PTPRT: variants seen among roughly 807,000 people sequenced by gnomAD.
PTPRT encodes receptor-type tyrosine-protein phosphatase T.
In PTPRT, 56 loss-of-function variants were observed where a neutral mutation model predicts 176.8. The observed-to-expected ratio is 0.32, with a 90% CI of 0.26 to 0.40. The LOEUF is 0.40. PTPRT is among the 10% of genes least tolerant of loss of function. The probability of loss-of-function intolerance (pLI) is 1.00; values close to 1 mark genes in which losing one functional copy is unlikely to be tolerated. For missense variants in PTPRT, 1,540 were observed against 1,908.2 expected (o/e 0.81, Z 3.60); for synonymous variants, 783 against 739.0 (o/e 1.06, Z -0.96).
At chr20:42,477,433 A>G (rs200914810) in intron 7 of PTPRT, among the ~76,000 whole-genome samples, 1 of 152,162 alleles carries the variant, frequency 6.6e-6, no homozygotes, top group African/African-American at 2.4e-5. Flanking sequence ...CTGAAATCCT[A>G]TTCAATGGAA....
chr20:42,918,044 C>G (rs1258921939), intron 1 of PTPRT, among the ~76,000 whole-genome samples: 1 of 152,084 alleles, frequency 6.6e-6, no homozygotes, highest in Non-Finnish European at 1.5e-5. Context: ...AGCTCAGGTG[C>G]CTAGGTCCTC....
chr20:42,148,563 T>C (rs1283593921), intron 17 of PTPRT, among the ~76,000 whole-genome samples: 1 of 151,058 alleles, frequency 6.6e-6, no homozygotes, highest in Non-Finnish European at 1.5e-5. Flanking sequence ...CTAGATAGGG[T>C]GGTGTGGGGA....
chr20:42,821,242 C>A (rs577962380), intron 2 of PTPRT, among the ~76,000 whole-genome samples: 1 of 152,278 alleles, frequency 6.6e-6, no homozygotes, highest in South Asian at 2.1e-4. Flanking sequence ...CCCTGAGATG[C>A]AAGGCTGGTT....
At chr20:42,815,170 A>G (rs1326263866) in intron 2 of PTPRT, among the ~76,000 whole-genome samples, 1 of 152,200 alleles carries the variant, frequency 6.6e-6, no homozygotes, top group Non-Finnish European at 1.5e-5. Flanking sequence ...TCCTGAATTC[A>G]TTTAGATCTT....
intron 1 of PTPRT, among the ~76,000 whole-genome samples, chr20:42,898,167 A>G (rs2079336725): frequency 6.6e-6 from 1 of 152,076 alleles, no homozygotes. Flanking sequence ...GCATTTCTCC[A>G]TGTGTGACAG....
At chr20:42,120,820 T>C (rs1987550279) in intron 19 of PTPRT, among the ~76,000 whole-genome samples, 1 of 152,196 alleles carries the variant, frequency 6.6e-6, no homozygotes, top group African/African-American at 2.4e-5. Flanking sequence ...TTAGTATTTG[T>C]TAAATAAATA....
At chr20:42,261,710 T>C (rs2056752778) in intron 13 of PTPRT, among the ~76,000 whole-genome samples, 1 of 152,184 alleles carries the variant, frequency 6.6e-6, no homozygotes, top group Admixed American at 6.5e-5. Context: ...CTGAACTGCA[T>C]AGCAGGGTGC....
intron 7 of PTPRT, among the ~76,000 whole-genome samples, chr20:42,620,010 A>C (rs1227941384): frequency 6.7e-6 from 1 of 149,662 alleles, no homozygotes; most frequent in Non-Finnish European, 1.5e-5. Context: ...GGAGGAGGAG[A>C]GGCGCTCTGC....
At chr20:42,868,922 G>A (rs1341838580) in intron 2 of PTPRT, among the ~76,000 whole-genome samples, 4 of 152,126 alleles carry the variant, frequency 2.6e-5, no homozygotes, top group Non-Finnish European at 5.9e-5. Flanking sequence ...CTCCTTAGAT[G>A]CCCCAGATGT....
chr20:42,553,065 T>C (rs1167832169), intron 7 of PTPRT, among the ~76,000 whole-genome samples: 17 of 152,132 alleles, frequency 1.1e-4, no homozygotes. Flanking sequence ...AAGTTTTCAC[T>C]TGGCAACTCT....
intron 2 of PTPRT, among the ~76,000 whole-genome samples, chr20:42,879,752 TGTGTGCGC>T (rs1238197328): frequency 6.9e-6 from 1 of 145,598 alleles, no homozygotes; most frequent in African/African-American, 2.7e-5. Flanking sequence ...TGTGTGTGTG[TGTGTGCGC>T]GTGTGTGTGT....
chr20:42,180,204 T>C (rs6016710), intron 16 of PTPRT, among the ~76,000 whole-genome samples: 51,145 of 152,008 alleles, frequency 0.34, 9,051 homozygotes, highest in Admixed American at 0.38. Flanking sequence ...GATCTAAATT[T>C]AGAGGAGAAG....
At chr20:42,209,033 C>T (rs1333868151) in intron 15 of PTPRT, among the ~76,000 whole-genome samples, 1 of 152,210 alleles carries the variant, frequency 6.6e-6, no homozygotes, top group African/African-American at 2.4e-5. Flanking sequence ...GAACAACCTG[C>T]TCCTGAATGA....
At chr20:42,158,907 A>G (rs971729200) in intron 17 of PTPRT, among the ~76,000 whole-genome samples, 6 of 152,208 alleles carry the variant, frequency 3.9e-5, no homozygotes, top group African/African-American at 1.4e-4. Context: ...TTTCCATGCT[A>G]GAAAGTTTGG....
the PTPRT span, among the ~76,000 whole-genome samples, chr20:42,051,721 T>A: frequency 6.6e-6 from 1 of 152,216 alleles, no homozygotes; most frequent in East Asian, 1.9e-4. Context: ...ACCATCTACG[T>A]CAATCATTGG....
chr20:42,968,674 C>T (rs566370320), intron 1 of PTPRT: 1 of 152,374 alleles, frequency 6.6e-6, no homozygotes, highest in South Asian at 2.1e-4. Context: ...TCATTTACTC[C>T]TCACAATGAC....
chr20:42,204,918 C>G (rs190518638), intron 15 of PTPRT, among the ~76,000 whole-genome samples: 1 of 151,616 alleles, frequency 6.6e-6, no homozygotes, highest in Admixed American at 6.6e-5. Context: ...GGTTGGGTCT[C>G]TATGGTCCCA....
At chr20:43,092,432 A>G (rs886658174) in intron 1 of PTPRT, among the ~76,000 whole-genome samples, 8 of 152,246 alleles carry the variant, frequency 5.3e-5, no homozygotes, top group Non-Finnish European at 1.5e-5. Flanking sequence ...TATGCATTGT[A>G]GTATTTAGAA....
At chr20:42,652,692 A>G (rs1327578505) in intron 7 of PTPRT, among the ~76,000 whole-genome samples, 1 of 152,120 alleles carries the variant, frequency 6.6e-6, no homozygotes, top group Non-Finnish European at 1.5e-5. Flanking sequence ...AGGCCAAATC[A>G]AGGGCCTGAT....
Sources: allele counts gnomAD v4.1 joint callset (sites outside exome capture counted in the v4.1 genomes callset), GRCh38; gene constraint gnomAD v4.1.1; transcripts MANE v1.5; gene names NCBI Gene and HGNC (gene_info 2026-07-23, HGNC 2026-07-21).